The following VPS13B variants were observed in gnomAD, a reference collection of about 807,000 sequenced individuals.
The protein encoded by VPS13B is intermembrane lipid transfer protein VPS13B.
VPS13B carries 285 observed loss-of-function variants against 426.4 expected under a neutral mutation model. That is an observed-to-expected ratio of 0.67 (90% confidence interval 0.61 to 0.74). VPS13B has a LOEUF of 0.74. Among genes scored for constraint, VPS13B ranks in the 30% least tolerant of loss-of-function variants. The probability of loss-of-function intolerance (pLI) is 0.00; values close to 1 mark genes in which losing one functional copy is unlikely to be tolerated. For missense variants in VPS13B, 4,537 were observed against 4,782.6 expected, an observed-to-expected ratio of 0.95 and a Z score of 1.51; for synonymous variants, 1,676 against 1,676.4, an observed-to-expected ratio of 1.00 and a Z score of 0.01.
At chr8:99,263,747 A>C (rs1047287874) in intron 17 of VPS13B, among the ~76,000 whole-genome samples, 5 of 152,188 alleles carry the variant, frequency 3.3e-5, no homozygotes, top group African/African-American at 1.2e-4. Flanking sequence ...TTTCAAGGTC[A>C]GCTGATTAGG....
chr8:99,840,794 C>T (rs1002482540), intron 54 of VPS13B, among the ~76,000 whole-genome samples: 2 of 152,092 alleles, frequency 1.3e-5, no homozygotes, highest in Non-Finnish European at 2.9e-5. Flanking sequence ...CTTAAAGCAG[C>T]AGGTAGTAAT....
chr8:99,064,884 A>G (rs1347723644), intron 3 of VPS13B, among the ~76,000 whole-genome samples: 6 of 152,230 alleles, frequency 3.9e-5, no homozygotes, highest in African/African-American at 1.4e-4. Flanking sequence ...CACAAAGTGA[A>G]GCCCATCAGA....
At chr8:99,054,611 G>GT (rs1195602161) in intron 3 of VPS13B, among the ~76,000 whole-genome samples, 1 of 152,118 alleles carries the variant, frequency 6.6e-6, no homozygotes, top group African/African-American at 2.4e-5. Context: ...TGCTTTCGGT[G>GT]TTATATCTAA....
intron 34 of VPS13B, among the ~76,000 whole-genome samples, chr8:99,655,401 C>T (rs566399293): frequency 4.3e-4 from 66 of 152,160 alleles, no homozygotes; most frequent in Non-Finnish European, 7.5e-4. Context: ...TTTAGATCAA[C>T]ATCATTTTCC....
At chr8:99,751,842 G>A (rs1810412234) in intron 39 of VPS13B, among the ~76,000 whole-genome samples, 1 of 152,162 alleles carries the variant, frequency 6.6e-6, no homozygotes, top group Admixed American at 6.5e-5. Context: ...CAGAGTGTCT[G>A]CAGATATGCT....
intron 21 of VPS13B, among the ~76,000 whole-genome samples, chr8:99,393,753 G>A (rs1000231389): frequency 6.6e-6 from 1 of 151,992 alleles, no homozygotes; most frequent in African/African-American, 2.4e-5. Flanking sequence ...CCCTTTGGGT[G>A]CCCACTATTT....
chr8:99,029,404 T>A (rs1842386645), intron 2 of VPS13B, among the ~76,000 whole-genome samples: 1 of 151,754 alleles, frequency 6.6e-6, no homozygotes, highest in African/African-American at 2.4e-5. Flanking sequence ...CAATCTCGGC[T>A]CTTTGGGAGG....
At chr8:99,875,218 A>C in intron 61 of VPS13B, 200 bp from the exon 62 acceptor site, 1 of 736,296 alleles carries the variant, frequency 1.4e-6, no homozygotes, top group Admixed American at 2.3e-5. Context: ...AGTCTCATGC[A>C]CAACTTTCAG....
chr8:99,295,705 C>T (rs1428175538), intron 19 of VPS13B, among the ~76,000 whole-genome samples: 8 of 152,012 alleles, frequency 5.3e-5, no homozygotes, highest in Non-Finnish European at 1.0e-4. Flanking sequence ...TACTGTATAT[C>T]GCTAGTCCAG....
chr8:99,669,995 T>G (rs1205532633), intron 35 of VPS13B, among the ~76,000 whole-genome samples: 2 of 151,996 alleles, frequency 1.3e-5, no homozygotes, highest in Non-Finnish European at 2.9e-5. Flanking sequence ...AGTAAAAGAG[T>G]TCTTAGGTAC....
chr8:99,015,475 C>G (rs1841565512), intron 2 of VPS13B, among the ~76,000 whole-genome samples: 1 of 151,362 alleles, frequency 6.6e-6, no homozygotes, highest in Non-Finnish European at 1.5e-5. Context: ...CTCAGCCTCC[C>G]AAAGTGCTGG....
At chr8:99,135,243 C>A in intron 10 of VPS13B, 106 bp downstream of exon 10, 1 of 1,460,920 alleles carries the variant, frequency 6.8e-7, no homozygotes, top group South Asian at 1.2e-5. Flanking sequence ...ATATCTCAGG[C>A]TTGAGAGAGG....
intron 13 of VPS13B, among the ~76,000 whole-genome samples, chr8:99,145,854 A>T: frequency 6.6e-6 from 1 of 152,134 alleles, no homozygotes; most frequent in East Asian, 1.9e-4. Flanking sequence ...CATGTTTATT[A>T]TTTTTTTTAA....
At chr8:99,086,460 G>A (rs953462575) in intron 3 of VPS13B, among the ~76,000 whole-genome samples, 7 of 152,032 alleles carry the variant, frequency 4.6e-5, no homozygotes, top group East Asian at 1.9e-4. Context: ...CTCTCAAATC[G>A]TCAAAGTCAT....
chr8:99,378,005 T>C (rs1332778833), intron 19 of VPS13B, among the ~76,000 whole-genome samples: 1 of 152,138 alleles, frequency 6.6e-6, no homozygotes, highest in Non-Finnish European at 1.5e-5. Context: ...AGAACCAGTC[T>C]GACTAGAATT....
intron 17 of VPS13B, among the ~76,000 whole-genome samples, chr8:99,211,194 T>C (rs1815072392): frequency 6.6e-6 from 1 of 152,168 alleles, no homozygotes; most frequent in African/African-American, 2.4e-5. Flanking sequence ...GGCATCTTTG[T>C]TTTCTTTTGC....
At chr8:99,044,084 C>CTTTTTTTTTTTTTTTTTTTTTTTTCTT (rs5893476) in intron 3 of VPS13B, among the ~76,000 whole-genome samples, 2 of 98,932 alleles carry the variant, frequency 2.0e-5, no homozygotes, top group Non-Finnish European at 3.7e-5. Flanking sequence ...TTCTTTCTTT[C>CTTTTTTTTTTTTTTTTTTTTTTTTCTT]TTTTTTTTTT....
chr8:99,855,040 G>A (rs1816475520), intron 56 of VPS13B, among the ~76,000 whole-genome samples: 1 of 152,134 alleles, frequency 6.6e-6, no homozygotes, highest in African/African-American at 2.4e-5. Flanking sequence ...GGGGTGGTTT[G>A]AACATGCATA....
chr8:99,394,796 A>C (rs1001286660), intron 21 of VPS13B, among the ~76,000 whole-genome samples: 5 of 152,226 alleles, frequency 3.3e-5, no homozygotes, highest in African/African-American at 7.2e-5. Context: ...CAACATAATA[A>C]ATACAGTTAA....
Sources: gnomAD v4.1 joint callset for allele counts (sites outside exome capture counted in the v4.1 genomes callset) on GRCh38, gnomAD v4.1.1 for gene constraint, MANE v1.5 for transcripts, NCBI Gene and HGNC (gene_info 2026-07-23, HGNC 2026-07-21) for gene names.